Variants in PPFIA4 observed in about 807,000 individuals in gnomAD.
The protein encoded by PPFIA4 is PPFI scaffold protein A4, also known as liprin-alpha-4.
PPFIA4 carries 98 observed loss-of-function variants against 145.7 expected under a neutral mutation model. That is an observed-to-expected ratio of 0.67 (90% CI 0.57 to 0.80). PPFIA4 has a LOEUF of 0.80. PPFIA4 is among the 30% of genes least tolerant of loss of function. The pLI is 0.00. For missense variants in PPFIA4, 1,457 were observed against 1,632.7 expected (o/e 0.89, Z 1.85); for synonymous variants, 628 against 649.6 (o/e 0.97, Z 0.51).
At chr1:203,054,208 A>T in intron 15 of PPFIA4, 1 of 672,120 alleles carries the variant, frequency 1.5e-6, no homozygotes, top group Non-Finnish European at 2.7e-6. Context: ...AGGAGGATGC[A>T]TGCTGTGTTC....
At chr1:203,044,486 C>T in intron 5 of PPFIA4, 33 bp downstream of exon 5, 1 of 1,541,790 alleles carries the variant, frequency 6.5e-7, no homozygotes, top group South Asian at 1.2e-5. Flanking sequence ...GTCTGCAGCT[C>T]CTGGAAGTCC....
At chr1:203,062,852 A>G (rs1360139851) in intron 24 of PPFIA4, 1 of 152,258 alleles carries the variant, frequency 6.6e-6, no homozygotes, top group Non-Finnish European at 1.5e-5. Context: ...AATAGTCAGA[A>G]AACTCAGCAT....
Position 203,061,104 on chromosome 1 carries a change from G to A in PPFIA4, c.2847+72G>A, listed in dbSNP as rs531709270. 1.4e-5 allele frequency: 21 copies of A among 1,449,544 alleles called. 2 individuals carry two copies. The South Asian group carries it at 1.6e-4, about 11-fold the overall frequency. The allele number at this position is 1,449,544 out of a possible 1,614,324, so 89.8% of individuals were successfully genotyped here. A position where few individuals can be genotyped will look rare whatever the true frequency, so the allele number is the denominator to read the frequency against. ...GATACTCCCATGAGGATGAGGGGAA[G>A]GCTGTGGGCAGTCAGAGTGGGCTGC... On this transcript the variant is annotated intron_variant, in intron 23 of 29. Transcript: ENST00000295706.
intron 14 of PPFIA4, among the ~76,000 whole-genome samples, chr1:203,053,140 T>C (rs1660652740): frequency 6.6e-6 from 1 of 152,224 alleles, no homozygotes; most frequent in Non-Finnish European, 1.5e-5. Flanking sequence ...GCACAACTAG[T>C]GTTTGGTGGA....
At position 203,046,350 on chromosome 1, in the gene PPFIA4, G is replaced by A. The variant is rs1170745234; in HGVS notation, c.1108G>A (p.Glu370Lys). The part of the protein sequence containing the change: ...KAETLPEVEA[E>K]LAQRIAALTK... ...AGAGACGCTGCCAGAGGTGGAGGCT[G>A]AGCTGGCCCAGAGAATTGCAGCCCT... The change falls in exon 9 of 30, where the codon GAG becomes AAG. Residue 370 changes from glutamate (E) to lysine (K), a missense_variant. By Grantham distance (56) the Glu-to-Lys change is moderately conservative (BLOSUM62 1). Coordinates refer to ENST00000295706, the MANE Select transcript of PPFIA4 (RefSeq NM_001304331.2). The A allele has an allele frequency of 4.4e-6, 7 of 1,591,032 alleles. No individual in the cohort carries two copies. Among genetic ancestry groups the A allele is most frequent in the Non-Finnish European group, 6.0e-6 (7 of 1,169,828 alleles).
At chr1:203,056,657 G>C in intron 18 of PPFIA4, 127 bp from the exon 19 acceptor site, 1 of 1,319,320 alleles carries the variant, frequency 7.6e-7, no homozygotes, top group Non-Finnish European at 1.0e-6. Flanking sequence ...GAGTTCATGT[G>C]TCTCCTTTTC....
In PPFIA4 at chr1:203,077,353, C is replaced by T. The variant is rs1360338171; in HGVS notation, c.*963C>T. The T allele has an allele frequency of 6.6e-6, 1 of 152,364 alleles. No homozygotes were observed. The highest frequency in any genetic ancestry group is 1.5e-5 in the Non-Finnish European group (1 of 68,146). 9.4% of individuals were successfully genotyped at this position (152,364 alleles called of 1,614,324 possible). A position where few individuals can be genotyped will look rare whatever the true frequency, so the allele number is the denominator to read the frequency against. On this transcript the variant is annotated 3_prime_UTR_variant, in exon 30 of 30. Coordinates refer to ENST00000295706, the MANE Select transcript of PPFIA4 (RefSeq NM_001304331.2). ...AGCTCTGCTCCCAGCATCCCTTCCC[C>T]TTCTCTCCTCCTCTGCCTCACTTCT...
chr1:203,044,250 T>C, intron 4 of PPFIA4, 129 bp from the exon 5 acceptor site: 1 of 1,158,676 alleles, frequency 8.6e-7, no homozygotes, highest in Non-Finnish European at 1.2e-6. Context: ...GGCTCCCTCC[T>C]GCAAATGTGC....
chr1:203,045,875 T>C lies in PPFIA4; in HGVS notation c.893T>C (p.Ile298Thr), dbSNP rs1461621594. ...LAQKEDMEER[I>T]TTLEKRYLAA... is the part of the protein sequence containing the mutation. Reference sequence around the variant, plus strand: ...CAGAAGGAGGACATGGAAGAGCGGATTACTACACTGGAGAAGCGCTACCTG... The same window carrying C: ...CAGAAGGAGGACATGGAAGAGCGGACTACTACACTGGAGAAGCGCTACCTG... Residue 298 changes from isoleucine to threonine, a missense_variant, in exon 8 of 30, where the codon ATT becomes ACT. Physicochemically the swap from Ile to Thr is moderately conservative, Grantham distance 89. Coordinates refer to ENST00000295706, the MANE Select transcript of PPFIA4 (RefSeq NM_001304331.2). 1 of 1,612,796 alleles carries C rather than the reference T, an allele frequency of 6.2e-7. No homozygotes were observed. Among genetic ancestry groups the C allele is most frequent in the Admixed American group, 1.7e-5 (1 of 60,010 alleles).
intron 1 of PPFIA4, among the ~76,000 whole-genome samples, chr1:203,031,192 G>A (rs1020197525): frequency 3.9e-5 from 6 of 152,064 alleles, no homozygotes; most frequent in Non-Finnish European, 1.5e-5. Context: ...CGAGTAGCTG[G>A]GAATACAGGT....
Position 203,056,498 on chromosome 1 carries a change from G to A in PPFIA4, c.2230G>A (p.Glu744Lys), listed in dbSNP as rs763614958. The A allele has an allele frequency of 8.1e-6, 13 of 1,613,646 alleles. No individual in the cohort carries two copies. The South Asian group carries it at 1.4e-4, about 18-fold the overall frequency. Reference protein sequence around the residue: ...KLGHPALSQEEGKSALEDQGS... With the variant: ...KLGHPALSQEKGKSALEDQGS... ...TGGCCACCCAGCCCTGAGCCAGGAA[G>A]AAGGCAAGAGGTAAGTAGAGCAGAC... The change falls in exon 18 of 30, where the codon GAA (glutamate) becomes AAA (lysine). Residue 744 changes from glutamate (E) to lysine (K), a missense_variant. Around this residue, in one of 3 missense-constraint regions of PPFIA4, gnomAD observed 848 missense variants for 1,046.7 expected, o/e 0.81. Coordinates refer to ENST00000295706, the MANE Select transcript of PPFIA4 (RefSeq NM_001304331.2).
chr1:203,057,165 C>T lies in PPFIA4; in HGVS notation c.2407+215C>T, dbSNP rs139368103. Reference sequence around the variant, plus strand: ...GGGGGTAAGCTTCTGCCTCTGCAAGCGTCAGGAAGTGGCTGGATGGCTTTA... The same window carrying T: ...GGGGGTAAGCTTCTGCCTCTGCAAGTGTCAGGAAGTGGCTGGATGGCTTTA... On this transcript the variant is annotated intron_variant, in intron 19 of 29. Coordinates refer to ENST00000295706, the MANE Select transcript of PPFIA4 (RefSeq NM_001304331.2). 9.8e-5 allele frequency among the ~76,000 whole-genome samples: 15 copies of T among 152,330 alleles called. No homozygotes were observed. The South Asian group carries it at 2.5e-3, about 25-fold the overall frequency.
intron 9 of PPFIA4, among the ~76,000 whole-genome samples, chr1:203,047,296 T>G (rs1660154873): frequency 6.6e-6 from 1 of 152,044 alleles, no homozygotes; most frequent in Non-Finnish European, 1.5e-5. Context: ...TGGGCCTCAG[T>G]GTCCTTATCA....
chr1:203,046,606 T>C, intron 9 of PPFIA4: 3 of 445,662 alleles, frequency 6.7e-6, no homozygotes, highest in Non-Finnish European at 1.2e-5. Flanking sequence ...TAAGAAGGGG[T>C]GTAAAAGTAC....
Position 203,048,915 on chromosome 1 carries a change from C to T in PPFIA4, c.1357-3C>T, listed in dbSNP as rs61756414. The T allele has an allele frequency of 3.9e-6, 6 of 1,548,218 alleles. No individual in the cohort carries two copies. In the African/African-American group the frequency reaches 6.9e-5, roughly 18 times the overall value. On this transcript the variant is annotated splice_region_variant and splice_polypyrimidine_tract_variant and intron_variant, in intron 11 of 29. Coordinates refer to ENST00000295706, the MANE Select transcript of PPFIA4 (RefSeq NM_001304331.2). This position sits in a 1 kb window ranked among gnomAD's most constrained non-coding sequence, Gnocchi z 5.8. ...GGCCTGGCTCACAGCTGCTCTCCCCCAGAACACGTTGATCCAGGAGTTGGA... is the reference window on the plus strand; with the variant it reads ...GGCCTGGCTCACAGCTGCTCTCCCCTAGAACACGTTGATCCAGGAGTTGGA...
At position 203,053,745 on chromosome 1, in the gene PPFIA4, T is replaced by G. The variant is rs778687204; in HGVS notation, c.1621-8T>G. 18 of 1,549,788 alleles carry G rather than the reference T, an allele frequency of 1.2e-5. No homozygotes were observed. The highest frequency in any genetic ancestry group is 1.6e-5 in the Non-Finnish European group (18 of 1,146,868). On this transcript the variant is annotated splice_polypyrimidine_tract_variant and splice_region_variant and intron_variant, in intron 14 of 29. Coordinates refer to ENST00000295706, the MANE Select transcript of PPFIA4 (RefSeq NM_001304331.2). ...ATTACGACTCCTTTACCCTCCTCCTTTGCTAAGGACTGGGAGACTTCTCCA... is the reference window on the plus strand; with the variant it reads ...ATTACGACTCCTTTACCCTCCTCCTGTGCTAAGGACTGGGAGACTTCTCCA...
intron 13 of PPFIA4, 26 bp downstream of exon 13, chr1:203,049,793 T>C: frequency 6.6e-7 from 1 of 1,513,746 alleles, no homozygotes; most frequent in South Asian, 1.3e-5. Context: ...AGGCTGGGCA[T>C]GCCAGGACGG....
At chr1:203,050,082 C>T (rs1252881149) in intron 13 of PPFIA4, among the ~76,000 whole-genome samples, 1 of 152,214 alleles carries the variant, frequency 6.6e-6, no homozygotes, top group Non-Finnish European at 1.5e-5. Context: ...GCCTGCACAT[C>T]CCTTGCTTAG....
chr1:203,037,658 C>CCTGTGCCAGGCTCAACGTA (rs1374297784), intron 1 of PPFIA4, among the ~76,000 whole-genome samples: 1 of 152,196 alleles, frequency 6.6e-6, no homozygotes, highest in Non-Finnish European at 1.5e-5. Context: ...CCATTGGGCT[C>CCTGTGCCAGGCTCAACGTA]CTGTGCCAGG....
Sources: gnomAD v4.1 joint callset for allele counts (sites outside exome capture counted in the v4.1 genomes callset) on GRCh38, gnomAD v4.1.1 for gene constraint, gnomAD v4.1.1 regional missense constraint, Gnocchi (gnomAD v3.1) non-coding constraint, MANE v1.5 for transcripts, NCBI Gene and HGNC (gene_info 2026-07-23, HGNC 2026-07-21) for gene names.